The following PTP4A2 variants were observed in gnomAD, a reference collection of about 807,000 sequenced individuals.
PTP4A2 encodes the protein protein tyrosine phosphatase 4A2.
PTP4A2 carries 2 observed loss-of-function variants against 22.9 expected under a neutral mutation model. That is an observed-to-expected ratio of 0.09 (90% CI 0.04 to 0.27). The LOEUF is 0.27. Among genes scored for constraint, PTP4A2 ranks in the 10% least tolerant of loss-of-function variants. The pLI is 1.00. For missense variants in PTP4A2, 103 were observed against 205.1 expected (o/e 0.50, Z 3.04); for synonymous variants, 68 against 69.1 (o/e 0.98, Z 0.08).
chr1:31,929,221 T>A (rs1488213353), intron 1 of PTP4A2, among the ~76,000 whole-genome samples: 1 of 152,232 alleles, frequency 6.6e-6, no homozygotes, highest in African/African-American at 2.4e-5. Context: ...TTTCCTTTCA[T>A]AAATAAAATT....
chr1:31,928,325 G>C (rs559627549), intron 1 of PTP4A2, among the ~76,000 whole-genome samples: 12 of 150,582 alleles, frequency 8.0e-5, no homozygotes, highest in African/African-American at 2.9e-4. Context: ...GTGATAAAGA[G>C]GTATCAATTC....
At chr1:31,909,762 T>C (rs149063246) in intron 5 of PTP4A2, among the ~76,000 whole-genome samples, 3 of 152,264 alleles carry the variant, frequency 2.0e-5, no homozygotes, top group African/African-American at 4.8e-5. Context: ...TGGAAGGTAT[T>C]TGGAATCTAT....
Position 31,916,260 on chromosome 1 carries a change from G to A in PTP4A2, c.97-273C>T, listed in dbSNP as rs149584206. 5.7e-3 allele frequency among the ~76,000 whole-genome samples: 814 copies of A among 143,088 alleles called. 12 individuals are homozygous for A. The highest frequency in any genetic ancestry group is 0.02 in the African/African-American group (777 of 38,064). The allele number at this position is 143,088 out of a possible 152,430, so 93.9% of individuals were successfully genotyped here. ...CTCAGGAGGCTGAGGCAGGAGAATCGCTTGAACCCAGGAGGCAGATATTGC... is the reference window on the plus strand; with the variant it reads ...CTCAGGAGGCTGAGGCAGGAGAATCACTTGAACCCAGGAGGCAGATATTGC... On this transcript the variant is annotated intron_variant, in intron 2 of 5. Coordinates refer to ENST00000647444, the MANE Select transcript of PTP4A2 (RefSeq NM_080391.4).
At chr1:31,923,788 A>G (rs1652319154) in intron 1 of PTP4A2, among the ~76,000 whole-genome samples, 1 of 152,172 alleles carries the variant, frequency 6.6e-6, no homozygotes, top group Admixed American at 6.5e-5. Flanking sequence ...TTGGCCTCCT[A>G]AAGCACAGGG....
At chr1:31,909,684 A>T (rs907018064) in intron 5 of PTP4A2, among the ~76,000 whole-genome samples, 1 of 151,282 alleles carries the variant, frequency 6.6e-6, no homozygotes, top group Non-Finnish European at 1.5e-5. Context: ...AAAAAAAAAA[A>T]AGAGTCTCAG....
At chr1:31,937,067 G>A (rs557563254) in intron 1 of PTP4A2, among the ~76,000 whole-genome samples, 1 of 152,098 alleles carries the variant, frequency 6.6e-6, no homozygotes, top group African/African-American at 2.4e-5. Context: ...CTTTACAAAA[G>A]TTTATGCTCC....
At chr1:31,928,003 C>T (rs769920503) in intron 1 of PTP4A2, among the ~76,000 whole-genome samples, 1 of 151,824 alleles carries the variant, frequency 6.6e-6, no homozygotes, top group Non-Finnish European at 1.5e-5. Context: ...TGGTCTCAAA[C>T]TGAAAATTTA....
chr1:31,923,680 G>A lies in PTP4A2; in HGVS notation c.-593-4022C>T, dbSNP rs546580647. Among the ~76,000 whole-genome samples the A allele has an allele frequency of 4.9e-4, 75 of 152,040 alleles. 1 individual carries two copies. The South Asian group carries it at 5.4e-3, about 11-fold the overall frequency. ...TGGGACTACAGGTGCATGCCACTGC[G>A]CCCAGCTAATATTTTTAAAGTATTT... On this transcript the variant is annotated intron_variant, in intron 1 of 5. Coordinates refer to ENST00000647444, the MANE Select transcript of PTP4A2 (RefSeq NM_080391.4).
intron 3 of PTP4A2, chr1:31,913,820 C>T (rs777006969): frequency 4.4e-6 from 2 of 456,104 alleles, no homozygotes; most frequent in Non-Finnish European, 8.8e-6. Context: ...TATGGTCAAT[C>T]CAGTCATTTT....
At chr1:31,913,389 T>A (rs1051387985) in intron 3 of PTP4A2, among the ~76,000 whole-genome samples, 6 of 152,358 alleles carry the variant, frequency 3.9e-5, no homozygotes, top group East Asian at 1.9e-4. Context: ...TTTGTTTGTT[T>A]GTTTGTTTTT....
In PTP4A2 at chr1:31,919,334, C is replaced by A. The variant is rs184823187; in HGVS notation, c.-269G>T. ...TGGATACCTTCGGACTCCAAAAAAT[C>A]CAACTACATACAAAACTTAAGCAGC... On this transcript the variant is annotated 5_prime_UTR_variant, in exon 2 of 6. Transcript: ENST00000647444. The A allele has an allele frequency of 1.3e-3, 280 of 223,004 alleles. No individual in the cohort carries two copies. The highest frequency in any genetic ancestry group is 6.2e-3 in the African/African-American group (268 of 43,152). 13.8% of individuals were successfully genotyped at this position (223,004 alleles called of 1,614,324 possible). A position where few individuals can be genotyped will look rare whatever the true frequency, so the allele number is the denominator to read the frequency against.
chr1:31,930,319 G>A (rs1042201586), intron 1 of PTP4A2, among the ~76,000 whole-genome samples: 5 of 151,894 alleles, frequency 3.3e-5, no homozygotes, highest in Non-Finnish European at 4.4e-5. Context: ...CAACCTGGGC[G>A]ACAGTGAGAC....
intron 1 of PTP4A2, chr1:31,933,985 C>G (rs1468066496): frequency 2.6e-5 from 4 of 152,106 alleles, no homozygotes; most frequent in Admixed American, 1.3e-4. Context: ...CTGGGCCGCG[C>G]GGTGGCTCAT....
rs563428045 is a variant in PTP4A2 at position 31,916,296 on chromosome 1, G to A, written c.97-309C>T. Among the ~76,000 whole-genome samples the A allele has an allele frequency of 8.2e-4, 104 of 126,296 alleles. 1 individual carries two copies. Among genetic ancestry groups the A allele is most frequent in the African/African-American group, 2.7e-3 (91 of 33,828 alleles). 82.9% of individuals were successfully genotyped at this position (126,296 alleles called of 152,430 possible). On this transcript the variant is annotated intron_variant, in intron 2 of 5. Transcript: ENST00000647444. ...GGAGGCAGATATTGCAGTGAGCCGA[G>A]ATCGTGCCACTGCACTCCAGCCTGG...
Position 31,917,841 on chromosome 1 carries a change from G to A in PTP4A2, c.96+1129C>T, listed in dbSNP as rs918547904. 3.3e-5 allele frequency among the ~76,000 whole-genome samples: 5 copies of A among 151,774 alleles called. No homozygotes were observed. In the East Asian group the frequency reaches 9.7e-4, roughly 29 times the overall value. ...ATACAAAAATTAGCTGGGTGTGGTG[G>A]CGCGCGCCTGTAGTCCCAGCTACTT... On this transcript the variant is annotated intron_variant, in intron 2 of 5. Coordinates refer to ENST00000647444, the MANE Select transcript of PTP4A2 (RefSeq NM_080391.4).
intron 1 of PTP4A2, chr1:31,930,832 A>C (rs1488693758): frequency 6.6e-6 from 1 of 152,202 alleles, no homozygotes; most frequent in Non-Finnish European, 1.5e-5. Flanking sequence ...ATCTTTAAAA[A>C]CCACACAGTG....
chr1:31,928,648 G>A (rs1200244279), intron 1 of PTP4A2, among the ~76,000 whole-genome samples: 9 of 137,966 alleles, frequency 6.5e-5, no homozygotes, highest in African/African-American at 2.2e-4. Flanking sequence ...AGTGAGCCAA[G>A]ATCGTGCCAC....
At chr1:31,910,867 G>A (rs1489408426) in intron 4 of PTP4A2, 1 of 152,104 alleles carries the variant, frequency 6.6e-6, no homozygotes, top group African/African-American at 2.4e-5. Flanking sequence ...GATGAGCTAG[G>A]AAAATGCCCA....
rs1044539793 is a variant in PTP4A2, at chr1:31,907,576, T to C, written c.*1276A>G. 2.6e-5 allele frequency: 4 copies of C among 152,062 alleles called. No individual in the cohort carries two copies. Among genetic ancestry groups the C allele is most frequent in the Non-Finnish European group, 5.9e-5 (4 of 68,006 alleles). The allele number at this position is 152,062 out of a possible 1,614,324, so 9.4% of individuals were successfully genotyped here. A position where few individuals can be genotyped will look rare whatever the true frequency, so the allele number is the denominator to read the frequency against. ...GTTTTAAACCAGGGATTTTTTTTTTTTAATCTCAAAAAACCTAGTAATAAC... is the reference window on the plus strand; with the variant it reads ...GTTTTAAACCAGGGATTTTTTTTTTCTAATCTCAAAAAACCTAGTAATAAC... On this transcript the variant is annotated 3_prime_UTR_variant, in exon 6 of 6. Transcript: ENST00000647444.
Sources: allele counts gnomAD v4.1 joint callset (sites outside exome capture counted in the v4.1 genomes callset), GRCh38; gene constraint gnomAD v4.1.1; transcripts MANE v1.5; gene names NCBI Gene and HGNC (gene_info 2026-07-23, HGNC 2026-07-21).